The following AGO2 variants were observed in gnomAD, a reference collection of about 807,000 sequenced individuals.
AGO2 encodes the protein argonaute RISC catalytic component 2.
A neutral mutation model predicts 102.3 loss-of-function variants in AGO2; 5 were observed. The ratio of observed to expected loss-of-function variants is 0.05; its 90% CI spans 0.03 to 0.10. The LOEUF is 0.10. Ranked by LOEUF, AGO2 falls within the 10% of genes least tolerant of loss-of-function variation. The probability of loss-of-function intolerance (pLI) is 1.00; values close to 1 mark genes in which losing one functional copy is unlikely to be tolerated. For missense variants in AGO2, 541 were observed against 1,183.7 expected (o/e 0.46, Z 7.97); for synonymous variants, 449 against 473.1 (o/e 0.95, Z 0.66).
intron 1 of AGO2, among the ~76,000 whole-genome samples, chr8:140,634,045 G>A (rs1236261334): frequency 2.6e-5 from 4 of 152,232 alleles, no homozygotes; most frequent in African/African-American, 9.6e-5. Flanking sequence ...GGGGATGCCC[G>A]GTCCTTTCCC....
intron 6 of AGO2, 94 bp downstream of exon 6, chr8:140,559,301 C>A: frequency 6.7e-7 from 1 of 1,496,050 alleles, no homozygotes; most frequent in Non-Finnish European, 9.1e-7. Context: ...TCCCCAAATG[C>A]GCACAAGAAC....
At chr8:140,553,844 G>A (rs950461245) in intron 10 of AGO2, among the ~76,000 whole-genome samples, 1 of 152,026 alleles carries the variant, frequency 6.6e-6, no homozygotes, top group Non-Finnish European at 1.5e-5. Flanking sequence ...GATTACAGGC[G>A]CATGCCACCA....
intron 6 of AGO2, among the ~76,000 whole-genome samples, chr8:140,558,992 A>G (rs574403038): frequency 2.4e-4 from 36 of 152,240 alleles, no homozygotes; most frequent in Non-Finnish European, 3.4e-4. Context: ...ACCCCCCCCA[A>G]TCTGAGTTTC....
chr8:140,633,157 C>T (rs1026489729), intron 1 of AGO2, among the ~76,000 whole-genome samples: 2 of 152,082 alleles, frequency 1.3e-5, no homozygotes, highest in South Asian at 2.1e-4. Context: ...GTGATCCGCC[C>T]GCCTTGGCCT....
In AGO2 at chr8:140,529,202, A is replaced by T. The variant is rs2072550369; in HGVS notation, c.*2842T>A. ...GACAGGCCCAGGGGGGCAGCAGTGG[A>T]CAGGGAAGGGTGGCAAGGCCCCAGG... On this transcript the variant is annotated 3_prime_UTR_variant, in exon 19 of 19. Coordinates refer to ENST00000220592, the MANE Select transcript of AGO2 (RefSeq NM_012154.5). The T allele has an allele frequency of 6.6e-6, 1 of 152,236 alleles. No individual in the cohort carries two copies. The highest frequency in any genetic ancestry group is 2.4e-5 in the African/African-American group (1 of 41,452). 9.4% of individuals were successfully genotyped at this position (152,236 alleles called of 1,614,324 possible). A position where few individuals can be genotyped will look rare whatever the true frequency, so the allele number is the denominator to read the frequency against.
At chr8:140,558,854 C>T (rs1303961848) in intron 6 of AGO2, among the ~76,000 whole-genome samples, 1 of 152,178 alleles carries the variant, frequency 6.6e-6, no homozygotes, top group African/African-American at 2.4e-5. Flanking sequence ...CGTGATAACA[C>T]GGGGTACGGT....
Position 140,544,502 on chromosome 8 carries a change from C to T in AGO2, c.1749-199G>A, listed in dbSNP as rs555787447. On this transcript the variant is annotated intron_variant, in intron 13 of 18. Transcript: ENST00000220592. ...TCTGAAATCTGCTTCAGAATAGCCACGGGTTGGGGGGCTTGGGTGGAGTGT... is the reference window on the plus strand; with the variant it reads ...TCTGAAATCTGCTTCAGAATAGCCATGGGTTGGGGGGCTTGGGTGGAGTGT... Among the ~76,000 whole-genome samples, 12 of 152,318 alleles carry T rather than the reference C, an allele frequency of 7.9e-5. No homozygotes were observed. The South Asian group carries it at 1.2e-3, about 16-fold the overall frequency.
In AGO2 at chr8:140,522,482, G is replaced by A. The variant is rs779408989; in HGVS notation, c.*9562C>T. ...GAGCAGGTTTGCAAATAAGACCTAC[G>A]CCCAAATCACACTCTCCATCAGCCA... is the stretch of plus-strand genomic sequence containing the variant. On this transcript the variant is annotated 3_prime_UTR_variant, in exon 19 of 19. Coordinates refer to ENST00000220592, the MANE Select transcript of AGO2 (RefSeq NM_012154.5). 9.0e-5 allele frequency: 13 copies of A among 144,348 alleles called. No homozygotes were observed. Among genetic ancestry groups the A allele is most frequent in the Non-Finnish European group, 1.3e-4 (9 of 67,120 alleles). 8.9% of individuals were successfully genotyped at this position (144,348 alleles called of 1,614,324 possible).
At chr8:140,560,167 C>T (rs944023530) in intron 5 of AGO2, among the ~76,000 whole-genome samples, 1 of 152,238 alleles carries the variant, frequency 6.6e-6, no homozygotes, top group Admixed American at 6.5e-5. Flanking sequence ...GAGGGTGCGA[C>T]CATCTCGTGG....
At chr8:140,541,040 G>C (rs1222152471) in intron 15 of AGO2, 124 bp downstream of exon 15, 2 of 1,177,506 alleles carry the variant, frequency 1.7e-6, no homozygotes, top group South Asian at 1.6e-5. Flanking sequence ...GGTGTGACCA[G>C]ATCAGCCTTG....
At chr8:140,578,066 C>T (rs143298943) in intron 2 of AGO2, among the ~76,000 whole-genome samples, 2 of 152,348 alleles carry the variant, frequency 1.3e-5, no homozygotes, top group African/African-American at 2.4e-5. Flanking sequence ...AGGCCTCCGC[C>T]GCCCAGAGAG....
At chr8:140,640,046 T>G (rs2074431769), upstream of AGO2, among the ~76,000 whole-genome samples, 2 of 152,160 alleles carry the variant, frequency 1.3e-5, no homozygotes, top group African/African-American at 2.4e-5. Flanking sequence ...CCTTGCTCTG[T>G]CTCCTAGGCT....
In AGO2 at chr8:140,521,650, G is replaced by A. The variant is rs191600270; in HGVS notation, c.*10394C>T. The A allele has an allele frequency of 2.0e-5, 3 of 152,344 alleles. No homozygotes were observed. Among genetic ancestry groups the A allele is most frequent in the Admixed American group, 1.3e-4 (2 of 15,300 alleles). The allele number at this position is 152,344 out of a possible 1,614,324, so 9.4% of individuals were successfully genotyped here. ...ATCTCATTTTCTTACCTGTCAGAAA[G>A]CCTTCCTAACTTACAGGCACACAGG... On this transcript the variant is annotated 3_prime_UTR_variant, in exon 19 of 19. Coordinates refer to ENST00000220592, the MANE Select transcript of AGO2 (RefSeq NM_012154.5).
At chr8:140,615,881 C>T (rs1444669400) in intron 1 of AGO2, among the ~76,000 whole-genome samples, 2 of 152,222 alleles carry the variant, frequency 1.3e-5, no homozygotes, top group Non-Finnish European at 2.9e-5. Context: ...AATATCCAAG[C>T]AAACAATGGG....
Position 140,556,302 on chromosome 8 carries a change from A to G in AGO2, c.1027-16T>C. ...TGTTACAGACCTGTGAAGAGGACGTAGAGACAGGCCGTCAGTGCCGCACTG... is the reference window on the plus strand; with the variant it reads ...TGTTACAGACCTGTGAAGAGGACGTGGAGACAGGCCGTCAGTGCCGCACTG... On this transcript the variant is annotated splice_polypyrimidine_tract_variant and intron_variant, in intron 8 of 18. Coordinates refer to ENST00000220592, the MANE Select transcript of AGO2 (RefSeq NM_012154.5). 6.2e-7 allele frequency: 1 copy of G among 1,613,748 alleles called. No individual in the cohort carries two copies. Among genetic ancestry groups the G allele is most frequent in the South Asian group, 1.1e-5 (1 of 91,004 alleles).
intron 1 of AGO2, among the ~76,000 whole-genome samples, chr8:140,621,090 A>T (rs2074211490): frequency 6.6e-6 from 1 of 151,978 alleles, no homozygotes; most frequent in African/African-American, 2.4e-5. Context: ...CCTCTCCCTC[A>T]CGCCACATTT....
At position 140,616,083 on chromosome 8, in the gene AGO2, C is replaced by G. The variant is rs1010058380; in HGVS notation, c.22+19402G>C. On this transcript the variant is annotated intron_variant, in intron 1 of 18. Coordinates refer to ENST00000220592, the MANE Select transcript of AGO2 (RefSeq NM_012154.5). ...CAGAACAAGGTTTGCACTGAGTCTTCCACATTCTTGTACAAGAACCCTTGT... is the reference window on the plus strand; with the variant it reads ...CAGAACAAGGTTTGCACTGAGTCTTGCACATTCTTGTACAAGAACCCTTGT... 2.0e-5 allele frequency among the ~76,000 whole-genome samples: 3 copies of G among 152,224 alleles called. No individual in the cohort carries two copies. The South Asian group carries it at 6.2e-4, about 32-fold the overall frequency.
At chr8:140,641,547 T>C in the AGO2 span, among the ~76,000 whole-genome samples, 2 of 152,318 alleles carry the variant, frequency 1.3e-5, no homozygotes, top group Non-Finnish European at 2.9e-5. Context: ...TATTTTAAAA[T>C]TAACCATAAT....
chr8:140,605,657 C>G (rs566354156), intron 1 of AGO2: 1 of 152,242 alleles, frequency 6.6e-6, no homozygotes, highest in Non-Finnish European at 1.5e-5. Context: ...GATGAAGACC[C>G]CACCCGCTGG....
Sources: gnomAD v4.1 joint callset for allele counts (sites outside exome capture counted in the v4.1 genomes callset) on GRCh38, gnomAD v4.1.1 for gene constraint, MANE v1.5 for transcripts, NCBI Gene and HGNC (gene_info 2026-07-23, HGNC 2026-07-21) for gene names.